PKHD1: variants seen among roughly 807,000 people sequenced by gnomAD.
The protein encoded by PKHD1 is PKHD1 ciliary IPT domain containing fibrocystin/polyductin, also known as fibrocystin.
Under a neutral mutation model 412.0 loss-of-function variants are expected in PKHD1, and 291 were observed. That is an observed-to-expected ratio of 0.71 (90% CI 0.64 to 0.78). The LOEUF (loss-of-function observed/expected upper bound fraction) is 0.78, where lower values mean the gene tolerates loss of function less well. Among genes scored for constraint, PKHD1 ranks in the 30% least tolerant of loss-of-function variants. PKHD1 has a pLI of 0.00. For missense variants in PKHD1, 4,825 were observed against 4,950.7 expected (o/e 0.97, Z 0.76); for synonymous variants, 1,777 against 1,821.5 (o/e 0.98, Z 0.62).
intron 47 of PKHD1, among the ~76,000 whole-genome samples, chr6:51,869,307 A>G (rs1254853078): frequency 1.3e-5 from 2 of 151,978 alleles, no homozygotes; most frequent in African/African-American, 4.8e-5. Context: ...ACTTCTATTC[A>G]CCTTCCTAAA....
intron 60 of PKHD1, among the ~76,000 whole-genome samples, chr6:51,666,186 GAT>G (rs1344708944): frequency 6.6e-6 from 1 of 151,998 alleles, no homozygotes; most frequent in Non-Finnish European, 1.5e-5. Context: ...TAGGTACAAA[GAT>G]ATCAATTCAA....
At chr6:51,804,655 A>G (rs1158697553) in intron 52 of PKHD1, among the ~76,000 whole-genome samples, 1 of 152,198 alleles carries the variant, frequency 6.6e-6, no homozygotes, top group African/African-American at 2.4e-5. Context: ...ACATAATACT[A>G]TGAGAGTAAC....
chr6:52,063,042 T>G (rs967868975), intron 13 of PKHD1, among the ~76,000 whole-genome samples: 1 of 152,136 alleles, frequency 6.6e-6, no homozygotes, highest in Non-Finnish European at 1.5e-5. Flanking sequence ...GGCTTCAGTA[T>G]CTTTTAAGTC....
At chr6:51,956,560 T>C (rs1791177101) in intron 36 of PKHD1, among the ~76,000 whole-genome samples, 2 of 152,220 alleles carry the variant, frequency 1.3e-5, no homozygotes, top group South Asian at 2.1e-4. Context: ...TTGTCTTTTT[T>C]GAGCTTATTC....
intron 60 of PKHD1, among the ~76,000 whole-genome samples, chr6:51,731,141 C>T (rs73442857): frequency 0.029 from 4,340 of 152,028 alleles, 192 homozygotes; most frequent in African/African-American, 0.099. Context: ...AAAGCAGCAA[C>T]GCAGGGTTAC....
chr6:52,002,734 A>C lies in PKHD1; in HGVS notation c.5751+7575T>G, dbSNP rs553400112. On this transcript the variant is annotated intron_variant, in intron 35 of 66. Transcript: ENST00000371117. ...AGGGGAGGGAAGACAAAAGGGACAA[A>C]ATTGTTTTTTGATTTCTGTAATAGG... is the stretch of plus-strand genomic sequence containing the variant. Among the ~76,000 whole-genome samples, 31 of 152,328 alleles carry C rather than the reference A, an allele frequency of 2.0e-4. 1 individual carries two copies. The South Asian group carries it at 6.4e-3, about 32-fold the overall frequency.
rs181448240 is a variant in PKHD1 at position 51,942,992 on chromosome 6, A to G, written c.5909-8670T>C. Among the ~76,000 whole-genome samples the G allele has an allele frequency of 1.6e-3, 249 of 151,668 alleles. 1 individual carries two copies. The highest frequency in any genetic ancestry group is 5.8e-3 in the African/African-American group (241 of 41,484). The stretch of plus-strand genomic sequence containing the variant: ...AACTAAAATACCTCTTGGTCTAGGT[A>G]GACACTTTCACTGGATAGGTAGAGG... On this transcript the variant is annotated intron_variant, in intron 36 of 66. Coordinates refer to ENST00000371117, the MANE Select transcript of PKHD1 (RefSeq NM_138694.4).
chr6:51,925,699 T>A (rs561177372), intron 37 of PKHD1, among the ~76,000 whole-genome samples: 1 of 152,310 alleles, frequency 6.6e-6, no homozygotes, highest in East Asian at 1.9e-4. Flanking sequence ...GCCTTCTGAC[T>A]GGAACTTACA....
intron 60 of PKHD1, chr6:51,741,125 C>A: frequency 1.9e-6 from 1 of 518,936 alleles, no homozygotes; most frequent in South Asian, 1.4e-5. Flanking sequence ...AAATATTCTA[C>A]CATTGCAACC....
At chr6:51,737,241 T>C (rs1223466816) in intron 60 of PKHD1, among the ~76,000 whole-genome samples, 1 of 152,184 alleles carries the variant, frequency 6.6e-6, no homozygotes, top group Non-Finnish European at 1.5e-5. Context: ...CTGGAAATAA[T>C]GCCAAGGAAA....
chr6:51,767,802 C>T (rs533633264), intron 55 of PKHD1, among the ~76,000 whole-genome samples: 31 of 152,260 alleles, frequency 2.0e-4, no homozygotes, highest in Middle Eastern at 6.8e-3. Flanking sequence ...TTTATAGCAG[C>T]ATGATTTATA....
At chr6:51,972,765 C>T (rs79686233) in intron 35 of PKHD1, among the ~76,000 whole-genome samples, 1,721 of 152,288 alleles carry the variant, frequency 0.011, 33 homozygotes, top group African/African-American at 0.033. Flanking sequence ...CCTTTTCTGC[C>T]AAACCCTGTT....
At chr6:51,883,065 C>A (rs781406529) in intron 46 of PKHD1, 28 bp downstream of exon 46, 1 of 1,599,592 alleles carries the variant, frequency 6.3e-7, no homozygotes, top group African/African-American at 1.3e-5. Context: ...TGATTGACAG[C>A]CTAAAACAAC....
chr6:51,726,584 C>T (rs1301126773), intron 60 of PKHD1, among the ~76,000 whole-genome samples: 3 of 152,156 alleles, frequency 2.0e-5, no homozygotes, highest in Admixed American at 1.3e-4. Flanking sequence ...GCTTCCTGGG[C>T]CAGCCCCATA....
At chr6:51,759,581 T>C (rs1787632521) in intron 55 of PKHD1, among the ~76,000 whole-genome samples, 1 of 151,836 alleles carries the variant, frequency 6.6e-6, no homozygotes, top group Non-Finnish European at 1.5e-5. Context: ...AGTAAAAAAG[T>C]AGAGGAGGAG....
chr6:52,080,069 C>T (rs1176425541), intron 4 of PKHD1, 61 bp from the exon 5 acceptor site: 5 of 955,498 alleles, frequency 5.2e-6, no homozygotes, highest in Non-Finnish European at 8.6e-6. Context: ...AAGCTAGCAG[C>T]CCACTTGCCA....
chr6:51,916,086 T>C (rs923173825), intron 37 of PKHD1, among the ~76,000 whole-genome samples: 7 of 152,130 alleles, frequency 4.6e-5, no homozygotes, highest in Non-Finnish European at 1.0e-4. Context: ...GTCTTTTCTC[T>C]CCACCTTACA....
intron 35 of PKHD1, among the ~76,000 whole-genome samples, chr6:52,002,853 G>A (rs1562104290): frequency 6.6e-6 from 1 of 152,134 alleles, no homozygotes; most frequent in Admixed American, 6.5e-5. Context: ...TTGTCACATA[G>A]CTGGATTGCA....
At chr6:51,859,920 T>A (rs1773921313) in intron 48 of PKHD1, among the ~76,000 whole-genome samples, 2 of 152,228 alleles carry the variant, frequency 1.3e-5, no homozygotes, top group African/African-American at 2.4e-5. Flanking sequence ...CAGAATCCAA[T>A]AATCTGATGC....
Sources: allele counts gnomAD v4.1 joint callset (sites outside exome capture counted in the v4.1 genomes callset), GRCh38; gene constraint gnomAD v4.1.1; transcripts MANE v1.5; gene names NCBI Gene and HGNC (gene_info 2026-07-23, HGNC 2026-07-21).